Variants in COL7A1 observed in about 807,000 individuals in gnomAD.
COL7A1 encodes collagen alpha-1(VII) chain.
A neutral mutation model predicts 456.2 loss-of-function variants in COL7A1; 296 were observed. The ratio of observed to expected loss-of-function variants is 0.65; its 90% CI spans 0.59 to 0.71. The LOEUF is 0.71. Among genes scored for constraint, COL7A1 ranks in the 30% least tolerant of loss-of-function variants. The pLI, the probability that COL7A1 is intolerant of heterozygous loss-of-function variation, is 0.00. For missense variants in COL7A1, 3,441 were observed against 4,017.2 expected (o/e 0.86, Z 3.88); for synonymous variants, 1,464 against 1,525.9 (o/e 0.96, Z 0.95).
rs2044123506 is a variant in COL7A1 at position 48,574,150 on chromosome 3, C to A, written c.6501+112G>T. 5.8e-6 allele frequency: 8 copies of A among 1,391,302 alleles called. No homozygotes were observed. Among genetic ancestry groups the A allele is most frequent in the Non-Finnish European group, 8.1e-6 (8 of 986,290 alleles). 86.2% of individuals were successfully genotyped at this position (1,391,302 alleles called of 1,614,324 possible). A position where few individuals can be genotyped will look rare whatever the true frequency, so the allele number is the denominator to read the frequency against. ...ACAAGCAGGCACACACAGAGAGGCA[C>A]ACAGACACAGGTACACACAAACACA... is the stretch of plus-strand genomic sequence containing the variant. On this transcript the variant is annotated intron_variant, in intron 80 of 118. Transcript: ENST00000681320. This position sits in a 1 kb window ranked among gnomAD's most constrained non-coding sequence, Gnocchi z 5.0.
rs974137181 is a variant in COL7A1 at position 48,578,145 on chromosome 3, C to T, written c.5532+176G>A. Among the ~76,000 whole-genome samples the T allele has an allele frequency of 6.6e-6, 1 of 151,354 alleles. No homozygotes were observed. The highest frequency in any genetic ancestry group is 2.4e-5 in the African/African-American group (1 of 41,094). The stretch of plus-strand genomic sequence containing the variant: ...TGCCACTGCACTCCAACCTGGGCAA[C>T]AAGAGCGAAACTCCATCTCAAAAAA... On this transcript the variant is annotated intron_variant, in intron 65 of 118. Transcript: ENST00000681320. This position sits in a 1 kb window ranked among gnomAD's most constrained non-coding sequence, Gnocchi z 4.7.
Position 48,583,839 on chromosome 3 carries a change from T to C in COL7A1, c.4279-59A>G. The C allele has an allele frequency of 6.2e-7, 1 of 1,613,026 alleles. No individual in the cohort carries two copies. Among genetic ancestry groups the C allele is most frequent in the South Asian group, 1.1e-5 (1 of 91,066 alleles). ...ACTATGAAGCCCAGCACCCAACCAC[T>C]GCCCCAGGAGAGACCCACACCCCTG... is the stretch of plus-strand genomic sequence containing the variant. On this transcript the variant is annotated intron_variant, in intron 39 of 118. Coordinates refer to ENST00000681320, the MANE Select transcript of COL7A1 (RefSeq NM_000094.4). This position sits in a 1 kb window ranked among gnomAD's most constrained non-coding sequence, Gnocchi z 5.1.
rs760093030 is a variant in COL7A1 at position 48,574,760 on chromosome 3, G to A, written c.6348+37C>T. On this transcript the variant is annotated intron_variant, in intron 77 of 118. Transcript: ENST00000681320. This position sits in a 1 kb window ranked among gnomAD's most constrained non-coding sequence, Gnocchi z 5.0. ...ATGTCAAGTCAGTCCCTAGTGCCAT[G>A]GCAGAGGGTGGCCCCGAGCTGATTC... 6.2e-7 allele frequency: 1 copy of A among 1,614,000 alleles called. No individual in the cohort carries two copies. Among genetic ancestry groups the A allele is most frequent in the Non-Finnish European group, 8.5e-7 (1 of 1,180,020 alleles).
In COL7A1 at chr3:48,583,042, G is replaced by A. The variant is rs199533645; in HGVS notation, c.4489C>T (p.Arg1497Cys). Reference protein sequence around the residue: ...PLGEAGEKGERGPPGPAGSRG... With the variant: ...PLGEAGEKGECGPPGPAGSRG... ...GATCCCGCTGGGCCTGGGGGTCCAC[G>A]TTCGCCCTGATGGAAAAGAAGAGGT... is the stretch of plus-strand genomic sequence containing the variant. Residue 1497 changes from arginine (R) to cysteine (C), a missense_variant, in exon 44 of 119, where the codon CGT becomes TGT. Around this residue, in one of 3 missense-constraint regions of COL7A1, gnomAD observed 2,084 missense variants for 2,501.3 expected, o/e 0.83. Transcript: ENST00000681320. The surrounding 1 kb of genome is among the most constrained non-coding windows in gnomAD (Gnocchi z 5.1). The A allele has an allele frequency of 9.4e-5, 152 of 1,613,896 alleles. 1 individual carries two copies. Among genetic ancestry groups the A allele is most frequent in the Non-Finnish European group, 3.5e-5 (41 of 1,179,982 alleles).
chr3:48,582,642 C>T lies in COL7A1; in HGVS notation c.4530G>A (p.Gly1510=), dbSNP rs2107720235. Residue 1510 remains glycine, a synonymous_variant, in exon 45 of 119, where the codon GGG becomes GGA. Coordinates refer to ENST00000681320, the MANE Select transcript of COL7A1 (RefSeq NM_000094.4). ...PGPAGSRGLP[G]VAGRPGAKGP... Reference sequence around the variant, plus strand: ...CCTTGGCTCCAGGACGTCCAGCAACCCCTGGCAGCCCCTGGAGGAGAGGAA... The same window carrying T: ...CCTTGGCTCCAGGACGTCCAGCAACTCCTGGCAGCCCCTGGAGGAGAGGAA... 1.2e-6 allele frequency: 2 copies of T among 1,613,420 alleles called. No individual in the cohort carries two copies. The highest frequency in any genetic ancestry group is 2.7e-5 in the African/African-American group (2 of 75,004).
Position 48,568,526 on chromosome 3 carries a change from A to G in COL7A1, c.7767T>C (p.Pro2589=), listed in dbSNP as rs1175960041. Reference sequence around the variant, plus strand: ...GGTCACCAGGGATCCCTGCTGCACCAGGTTGACCCTGTGAGAAACACAGAT... The same window carrying G: ...GGTCACCAGGGATCCCTGCTGCACCGGGTTGACCCTGTGAGAAACACAGAT... The part of the protein sequence containing the change: ...LRGLLGPQGQ[P]GAAGIPGDPG... The change falls in exon 105 of 119, where the codon CCT becomes CCC. Residue 2589 remains proline, a synonymous_variant. Transcript: ENST00000681320. This position sits in a 1 kb window ranked among gnomAD's most constrained non-coding sequence, Gnocchi z 5.2. 3.7e-6 allele frequency: 6 copies of G among 1,607,594 alleles called. No homozygotes were observed. In the African/African-American group the frequency reaches 8.0e-5, roughly 21 times the overall value.
rs2044878886 is a variant in COL7A1 at position 48,582,930 on chromosome 3, A to G, written c.4518+83T>C. ...TTGAGGAGGGGTGAGGAGCAGGGGT[A>G]GCAGGGGTCAAGGGCAAGAAGTCAG... On this transcript the variant is annotated intron_variant, in intron 44 of 118. Coordinates refer to ENST00000681320, the MANE Select transcript of COL7A1 (RefSeq NM_000094.4). 3.8e-5 allele frequency: 60 copies of G among 1,592,208 alleles called. No individual in the cohort carries two copies. The South Asian group carries it at 6.6e-4, about 18-fold the overall frequency.
At position 48,568,349 on chromosome 3, in the gene COL7A1, A is replaced by C. The variant is rs1170037299; in HGVS notation, c.7794+150T>G. The C allele has an allele frequency of 1.3e-5, 13 of 1,038,356 alleles. No individual in the cohort carries two copies. The highest frequency in any genetic ancestry group is 1.8e-5 in the Non-Finnish European group (12 of 685,320). 64.3% of individuals were successfully genotyped at this position (1,038,356 alleles called of 1,614,324 possible). A position where few individuals can be genotyped will look rare whatever the true frequency, so the allele number is the denominator to read the frequency against. ...GCAGGGGACACCATCATAGGCGGCTACTGTGGAGGTGGGGGACCCTGGGTG... is the reference window on the plus strand; with the variant it reads ...GCAGGGGACACCATCATAGGCGGCTCCTGTGGAGGTGGGGGACCCTGGGTG... On this transcript the variant is annotated intron_variant, in intron 105 of 118. Coordinates refer to ENST00000681320, the MANE Select transcript of COL7A1 (RefSeq NM_000094.4). This position sits in a 1 kb window ranked among gnomAD's most constrained non-coding sequence, Gnocchi z 5.2.
chr3:48,595,205 T>C (rs1240073791), intron 1 of COL7A1, 45 bp from the exon 2 acceptor site: 1 of 1,499,022 alleles, frequency 6.7e-7, no homozygotes, highest in Non-Finnish European at 9.1e-7. Flanking sequence ...CTCTGTCCCT[T>C]GCTCCCCCGT....
chr3:48,566,860 G>C lies in COL7A1; in HGVS notation c.8226+47C>G. 6.4e-7 allele frequency: 1 copy of C among 1,573,930 alleles called. No individual in the cohort carries two copies. On this transcript the variant is annotated intron_variant, in intron 111 of 118. Coordinates refer to ENST00000681320, the MANE Select transcript of COL7A1 (RefSeq NM_000094.4). This position sits in a 1 kb window ranked among gnomAD's most constrained non-coding sequence, Gnocchi z 5.9. ...CTGGAAGATGGTTATGAGGTTGGAA[G>C]GGTAGGGAAGGTTCAGGGATCAGGA... is the stretch of plus-strand genomic sequence containing the variant.
chr3:48,586,072 A>G lies in COL7A1; in HGVS notation c.3723+2T>C, dbSNP rs2107746169. The G allele has an allele frequency of 6.2e-7, 1 of 1,613,522 alleles. No individual in the cohort carries two copies. The highest frequency in any genetic ancestry group is 8.5e-7 in the Non-Finnish European group (1 of 1,180,018). On this transcript the variant is annotated splice_donor_variant, in intron 28 of 118. Transcript: ENST00000681320. LOFTEE classifies it high-confidence loss of function. The surrounding 1 kb of genome is among the most constrained non-coding windows in gnomAD (Gnocchi z 5.1). The stretch of plus-strand genomic sequence containing the variant: ...CCAGTCCCCCAGAGGCCTCTTCCAA[A>G]CCTGAGTAGTGAAGGATGCCTGACA...
At position 48,570,675 on chromosome 3, in the gene COL7A1, T is replaced by C; in HGVS notation, c.7308A>G (p.Pro2436=). 1 of 1,590,794 alleles carries C rather than the reference T, an allele frequency of 6.3e-7. No homozygotes were observed. The highest frequency in any genetic ancestry group is 1.7e-5 in the Admixed American group (1 of 57,226). The change falls in exon 96 of 119, where the codon CCA becomes CCG. Residue 2436 remains proline, a synonymous_variant. Transcript: ENST00000681320. The surrounding 1 kb of genome is among the most constrained non-coding windows in gnomAD (Gnocchi z 5.5). ...GTGGTCCAGGTGGCCCCAGGGGTCC[T>C]GGGATTCCTTCTCTCCCTGGGGGGC... is the stretch of plus-strand genomic sequence containing the variant. The part of the protein sequence containing the change: ...LAGPPGREGI[P]GPLGPPGPPG...
rs749425003 is a variant in COL7A1 at position 48,590,197 on chromosome 3, G to A, written c.2050+16C>T. On this transcript the variant is annotated intron_variant, in intron 16 of 118. Coordinates refer to ENST00000681320, the MANE Select transcript of COL7A1 (RefSeq NM_000094.4). The surrounding 1 kb of genome is among the most constrained non-coding windows in gnomAD (Gnocchi z 4.6). The stretch of plus-strand genomic sequence containing the variant: ...CAATGGAGGCAGAGAGCCAAGGGAC[G>A]GGGGCAGGGCCTGACCCGTTCGAGC... The A allele has an allele frequency of 1.1e-5, 17 of 1,610,102 alleles. No individual in the cohort carries two copies. The highest frequency in any genetic ancestry group is 1.7e-4 in the Middle Eastern group (1 of 5,818).
In COL7A1 at chr3:48,586,242, A is replaced by C. The variant is rs769937344; in HGVS notation, c.3555T>G (p.Leu1185=). 35 of 1,613,506 alleles carry C rather than the reference A, an allele frequency of 2.2e-5. No homozygotes were observed. The East Asian group carries it at 7.4e-4, about 34-fold the overall frequency. Residue 1185 remains leucine, a synonymous_variant, in exon 28 of 119, where the codon CTT becomes CTG. Coordinates refer to ENST00000681320, the MANE Select transcript of COL7A1 (RefSeq NM_000094.4). The surrounding 1 kb of genome is among the most constrained non-coding windows in gnomAD (Gnocchi z 5.1). ...SPIREAQASG[L]NVVMLGMAGA... is the part of the protein sequence containing the mutation. ...CAGCCATTCCCAACATCACCACATT[A>C]AGCCCTAAGGTGGGGTCCAGTGGCT...
chr3:48,591,248 G>A lies in COL7A1; in HGVS notation c.1636+216C>T, dbSNP rs1165950848. Among the ~76,000 whole-genome samples the A allele has an allele frequency of 6.6e-6, 1 of 152,172 alleles. No individual in the cohort carries two copies. Among genetic ancestry groups the A allele is most frequent in the Non-Finnish European group, 1.5e-5 (1 of 68,020 alleles). On this transcript the variant is annotated intron_variant, in intron 13 of 118. Coordinates refer to ENST00000681320, the MANE Select transcript of COL7A1 (RefSeq NM_000094.4). This position sits in a 1 kb window ranked among gnomAD's most constrained non-coding sequence, Gnocchi z 7.0. ...CAGAGGTGAAAGCCGTGGATGGGGT[G>A]TGGGGCAGGGAGGAGATTGGTTGGG...
intron 1 of COL7A1, 25 bp downstream of exon 1, chr3:48,595,243 C>CGGA: frequency 8.5e-7 from 1 of 1,176,776 alleles, no homozygotes; most frequent in South Asian, 1.3e-5. Flanking sequence ...GCCCAGCGCC[C>CGGA]CTCCAGCCCG....
At position 48,568,920 on chromosome 3, in the gene COL7A1, C is replaced by T. The variant is rs1310752182; in HGVS notation, c.7687-65G>A. Reference sequence around the variant, plus strand: ...ATCAGGCTGGGGGCTTAGAATACAACGAGCCCGCCAGCTGGGGCAGAGCTC... The same window carrying T: ...ATCAGGCTGGGGGCTTAGAATACAATGAGCCCGCCAGCTGGGGCAGAGCTC... On this transcript the variant is annotated intron_variant, in intron 103 of 118. Coordinates refer to ENST00000681320, the MANE Select transcript of COL7A1 (RefSeq NM_000094.4). This position sits in a 1 kb window ranked among gnomAD's most constrained non-coding sequence, Gnocchi z 5.2. 1.9e-5 allele frequency: 28 copies of T among 1,478,026 alleles called. No homozygotes were observed. The highest frequency in any genetic ancestry group is 1.7e-4 in the Middle Eastern group (1 of 5,836). The allele number at this position is 1,478,026 out of a possible 1,614,324, so 91.6% of individuals were successfully genotyped here.
intron 46 of COL7A1, 58 bp from the exon 47 acceptor site, chr3:48,582,416 C>A: frequency 1.2e-6 from 2 of 1,614,114 alleles, no homozygotes; most frequent in South Asian, 2.2e-5. Flanking sequence ...AGCCCAAAAT[C>A]CCAGTGTCCC....
chr3:48,566,704 C>T lies in COL7A1; in HGVS notation c.8260G>A (p.Gly2754Arg), dbSNP rs1014123247. 1.2e-6 allele frequency: 2 copies of T among 1,614,068 alleles called. No individual in the cohort carries two copies. The highest frequency in any genetic ancestry group is 2.7e-5 in the African/African-American group (2 of 75,030). ...ERGPPGERVV[G>R]APGVPGAPGE... ...GGAGCTCCAGGGACCCCAGGAGCCC[C>T]CACCACTCTCTCTCCGGGGGGACCT... The change falls in exon 112 of 119, where the codon GGG (glycine) becomes AGG (arginine). Residue 2754 changes from glycine to arginine, a missense_variant. By Grantham distance (125) the Gly-to-Arg change is moderately radical. Around this residue, in one of 3 missense-constraint regions of COL7A1, gnomAD observed 2,084 missense variants for 2,501.3 expected, o/e 0.83. Coordinates refer to ENST00000681320, the MANE Select transcript of COL7A1 (RefSeq NM_000094.4). The surrounding 1 kb of genome is among the most constrained non-coding windows in gnomAD (Gnocchi z 5.9).
Sources: gnomAD v4.1 joint callset for allele counts (sites outside exome capture counted in the v4.1 genomes callset) on GRCh38, gnomAD v4.1.1 for gene constraint, gnomAD v4.1.1 regional missense constraint, Gnocchi (gnomAD v3.1) non-coding constraint, MANE v1.5 for transcripts, NCBI Gene and HGNC (gene_info 2026-07-23, HGNC 2026-07-21) for gene names.